Variants in EHMT1 observed in about 807,000 individuals in gnomAD.
EHMT1 encodes the protein euchromatic histone lysine methyltransferase 1.
A neutral mutation model predicts 147.2 loss-of-function variants in EHMT1; 15 were observed. The observed-to-expected ratio is 0.10, with a 90% CI of 0.07 to 0.16. The LOEUF (loss-of-function observed/expected upper bound fraction) is 0.16. Ranked by LOEUF, EHMT1 falls within the 10% of genes least tolerant of loss-of-function variation. EHMT1 has a pLI of 1.00. For synonymous variants in EHMT1, 795 were observed against 709.6 expected (o/e 1.12, Z -1.91); for missense variants, 1,587 against 1,772.4 (o/e 0.90, Z 1.88).
chr9:137,792,924 C>G (rs1952633942), intron 16 of EHMT1, among the ~76,000 whole-genome samples: 1 of 152,140 alleles, frequency 6.6e-6, no homozygotes, highest in African/African-American at 2.4e-5. Context: ...GACAGCCACC[C>G]CCTTGCCTGT....
rs532621489 is a variant in EHMT1 at position 137,732,790 on chromosome 9, C to G, written c.823+4261C>G. Among the ~76,000 whole-genome samples the G allele has an allele frequency of 3.3e-5, 5 of 152,264 alleles. No individual in the cohort carries two copies. In the East Asian group the frequency reaches 9.6e-4, roughly 29 times the overall value. ...TTATCACTTTTATTTCTTCAACTGTCACTCCATTGCCTGCCATTCATTGTT... is the reference window on the plus strand; with the variant it reads ...TTATCACTTTTATTTCTTCAACTGTGACTCCATTGCCTGCCATTCATTGTT... On this transcript the variant is annotated intron_variant, in intron 4 of 26. Transcript: ENST00000460843. The surrounding 1 kb of genome is among the most constrained non-coding windows in gnomAD (Gnocchi z 4.6).
intron 9 of EHMT1, among the ~76,000 whole-genome samples, chr9:137,760,955 T>C (rs542878335): frequency 2.0e-5 from 3 of 152,128 alleles, no homozygotes; most frequent in East Asian, 1.9e-4. Flanking sequence ...TGCAGTGAGC[T>C]GAGATCGCAC....
In EHMT1 at chr9:137,817,314, C is replaced by T. The variant is rs745918308; in HGVS notation, c.3375-125C>T. 101 of 1,079,278 alleles carry T rather than the reference C, an allele frequency of 9.4e-5. No individual in the cohort carries two copies. In the East Asian group the frequency reaches 1.5e-3, roughly 16 times the overall value. The allele number at this position is 1,079,278 out of a possible 1,614,324, so 66.9% of individuals were successfully genotyped here. A position where few individuals can be genotyped will look rare whatever the true frequency, so the allele number is the denominator to read the frequency against. On this transcript the variant is annotated intron_variant, in intron 23 of 26. Coordinates refer to ENST00000460843, the MANE Select transcript of EHMT1 (RefSeq NM_024757.5). Reference sequence around the variant, plus strand: ...TCTGTGAGGTGCCTGCAGCATCGAACGCTTCGGATACAGAACCAGTTTTCT... The same window carrying T: ...TCTGTGAGGTGCCTGCAGCATCGAATGCTTCGGATACAGAACCAGTTTTCT...
Position 137,775,417 on chromosome 9 carries a change from C to A in EHMT1, c.1791+165C>A, listed in dbSNP as rs72766952. On this transcript the variant is annotated intron_variant, in intron 11 of 26. Coordinates refer to ENST00000460843, the MANE Select transcript of EHMT1 (RefSeq NM_024757.5). This position sits in a 1 kb window ranked among gnomAD's most constrained non-coding sequence, Gnocchi z 6.1. ...AGTGTTCACAAGCCCCTCACCACCC[C>A]TGTCGAGCCCCAGTGCCTTAGACAC... Among the ~76,000 whole-genome samples, 36,788 of 151,682 alleles carry A rather than the reference C, an allele frequency of 0.24. 5,169 individuals are homozygous for A. Among genetic ancestry groups the A allele is most frequent in the Admixed American group, 0.38 (5,736 of 15,256 alleles).
chr9:137,746,383 G>A (rs951726893), intron 6 of EHMT1: 1 of 152,228 alleles, frequency 6.6e-6, no homozygotes, highest in Non-Finnish European at 1.5e-5. Context: ...CAAAAGTGCT[G>A]GGATTACAGG....
At chr9:137,647,089 T>C (rs3118928) in intron 1 of EHMT1, among the ~76,000 whole-genome samples, 33,683 of 152,056 alleles carry the variant, frequency 0.22, 4,399 homozygotes, top group African/African-American at 0.34. Context: ...TCTAGAACAC[T>C]GCACTCTTCT....
rs754459531 is a variant in EHMT1 at position 137,800,872 on chromosome 9, C to T, written c.2608-8C>T. ...GAGCGATGACAGCTTTGTCCTCTTC[C>T]CTGGCAGGATGACGGAGGCTGGACA... On this transcript the variant is annotated splice_polypyrimidine_tract_variant and splice_region_variant and intron_variant, in intron 17 of 26. Transcript: ENST00000460843. 2 of 1,613,870 alleles carry T rather than the reference C, an allele frequency of 1.2e-6. No homozygotes were observed. Among genetic ancestry groups the T allele is most frequent in the Admixed American group, 1.7e-5 (1 of 60,014 alleles).
chr9:137,719,388 GT>G (rs1945704017), intron 3 of EHMT1, among the ~76,000 whole-genome samples: 1 of 152,012 alleles, frequency 6.6e-6, no homozygotes, highest in Non-Finnish European at 1.5e-5. Context: ...TGGGTGCGTT[GT>G]GGGCCGGACT....
chr9:137,637,239 A>G (rs1346612483), intron 1 of EHMT1, among the ~76,000 whole-genome samples: 6 of 147,732 alleles, frequency 4.1e-5, no homozygotes, highest in Non-Finnish European at 9.0e-5. Context: ...GCAGTGGTGC[A>G]ATCTTGGCTC....
intron 15 of EHMT1, among the ~76,000 whole-genome samples, chr9:137,783,558 C>T (rs181338064): frequency 2.3e-4 from 35 of 152,344 alleles, no homozygotes; most frequent in Admixed American, 1.4e-3. Context: ...CAGTGATTCT[C>T]GTTTATATTT....
At chr9:137,744,152 C>T (rs1417316129) in intron 6 of EHMT1, 62 bp downstream of exon 6, 4 of 1,593,026 alleles carry the variant, frequency 2.5e-6, no homozygotes, top group East Asian at 4.5e-5. Context: ...GGCCGTGGTT[C>T]TGAAAATTAA....
At chr9:137,629,612 C>G (rs1843489782) in intron 1 of EHMT1, among the ~76,000 whole-genome samples, 1 of 152,150 alleles carries the variant, frequency 6.6e-6, no homozygotes, top group Non-Finnish European at 1.5e-5. Flanking sequence ...CCAGGATGGT[C>G]TCGCTCTCCT....
chr9:137,670,761 C>T (rs764421920), intron 1 of EHMT1, among the ~76,000 whole-genome samples: 1 of 152,176 alleles, frequency 6.6e-6, no homozygotes, highest in Non-Finnish European at 1.5e-5. Context: ...TGTAGCCTCC[C>T]TGGGGTCTAG....
intron 1 of EHMT1, among the ~76,000 whole-genome samples, chr9:137,700,567 G>A (rs886692146): frequency 6.6e-6 from 1 of 152,128 alleles, no homozygotes; most frequent in Non-Finnish European, 1.5e-5. Context: ...TCATTAGTCC[G>A]CTGTTCTCCT....
At chr9:137,799,012 TC>T in intron 17 of EHMT1, 98 bp downstream of exon 17, 1 of 1,032,456 alleles carries the variant, frequency 9.7e-7, no homozygotes, top group Non-Finnish European at 1.5e-6. Flanking sequence ...CTCCATGGCG[TC>T]CCCTCCCACG....
chr9:137,801,190 C>T, intron 18 of EHMT1, among the ~76,000 whole-genome samples: 1 of 152,202 alleles, frequency 6.6e-6, no homozygotes, highest in Admixed American at 6.5e-5. Context: ...AGGCCACCCT[C>T]TAGGGATCTG....
intron 4 of EHMT1, chr9:137,743,015 A>G (rs72766940): frequency 0.064 from 21,742 of 339,816 alleles, 910 homozygotes; most frequent in South Asian, 0.14. Context: ...AAGGGTAGTC[A>G]TTCCATGTGC....
In EHMT1 at chr9:137,644,669, T is replaced by C. The variant is rs187289424; in HGVS notation, c.21+25620T>C. 2.4e-4 allele frequency among the ~76,000 whole-genome samples: 37 copies of C among 152,248 alleles called. 1 individual carries two copies. Among genetic ancestry groups the C allele is most frequent in the Middle Eastern group, 3.4e-3 (1 of 294 alleles). On this transcript the variant is annotated intron_variant, in intron 1 of 26. Transcript: ENST00000460843. ...TTTATGAGTTATGTATCTAAAAGTC[T>C]AAAAATCATGCTTAGCTTTCAGTTT...
chr9:137,778,959 G>A (rs1406036335), intron 13 of EHMT1, among the ~76,000 whole-genome samples: 2 of 152,160 alleles, frequency 1.3e-5, no homozygotes, highest in Non-Finnish European at 2.9e-5. Flanking sequence ...ACTCTTAAGC[G>A]ACCAGATCTT....
Sources: gnomAD v4.1 joint callset for allele counts (sites outside exome capture counted in the v4.1 genomes callset) on GRCh38, gnomAD v4.1.1 for gene constraint, Gnocchi (gnomAD v3.1) non-coding constraint, MANE v1.5 for transcripts, NCBI Gene and HGNC (gene_info 2026-07-23, HGNC 2026-07-21) for gene names.